AKAP19: variants seen among roughly 807,000 people sequenced by gnomAD.
AKAP19 encodes A-kinase anchoring protein 19, also known as small A-kinase anchoring protein.
the AKAP19 span, among the ~76,000 whole-genome samples, chr2:189,916,329 C>CT: frequency 1.9e-3 from 204 of 106,562 alleles, 2 homozygotes; most frequent in South Asian, 0.016. Context: ...TCTTTTTCTT[C>CT]TTTTTTTTTT....
the AKAP19 span, among the ~76,000 whole-genome samples, chr2:190,163,298 T>C: frequency 3.3e-5 from 5 of 151,802 alleles, no homozygotes; most frequent in Non-Finnish European, 7.4e-5. Context: ...GCCGGGCGTG[T>C]TGGCGGGCGC....
chr2:190,173,885 A>C, the AKAP19 span, among the ~76,000 whole-genome samples: 5 of 152,122 alleles, frequency 3.3e-5, no homozygotes, highest in Non-Finnish European at 7.4e-5. Context: ...TCCATCTTAA[A>C]GTCTGACTTT....
chr2:190,163,067 C>A, the AKAP19 span, among the ~76,000 whole-genome samples: 3 of 152,068 alleles, frequency 2.0e-5, no homozygotes, highest in East Asian at 5.8e-4. Context: ...ATTATGCAAC[C>A]GATGTGTTTC....
At chr2:190,155,963 T>C in the AKAP19 span, among the ~76,000 whole-genome samples, 2,189 of 152,262 alleles carry the variant, frequency 0.014, 55 homozygotes, top group African/African-American at 0.05. Context: ...AATACAATTC[T>C]AATTTAAATT....
chr2:190,073,186 G>A, the AKAP19 span, among the ~76,000 whole-genome samples: 2 of 152,036 alleles, frequency 1.3e-5, no homozygotes, highest in Non-Finnish European at 2.9e-5. Context: ...AAGTATTATG[G>A]AAATAAATTT....
the AKAP19 span, among the ~76,000 whole-genome samples, chr2:190,010,822 T>G: frequency 1.3e-5 from 2 of 152,180 alleles, no homozygotes; most frequent in East Asian, 3.8e-4. Flanking sequence ...TAATGTGGAA[T>G]TATTAAATCA....
the AKAP19 span, among the ~76,000 whole-genome samples, chr2:190,118,479 G>A: frequency 2.0e-5 from 3 of 151,940 alleles, no homozygotes; most frequent in African/African-American, 7.3e-5. Flanking sequence ...TAAAATACTG[G>A]CAAACCAAAT....
the AKAP19 span, among the ~76,000 whole-genome samples, chr2:189,981,273 CTTTTT>C: frequency 5.4e-5 from 7 of 128,978 alleles, 1 homozygote; most frequent in South Asian, 5.0e-4. Flanking sequence ...CCTTCTTTGT[CTTTTT>C]TTTTTTTTTT....
the AKAP19 span, among the ~76,000 whole-genome samples, chr2:190,191,691 G>A: frequency 6.6e-6 from 1 of 152,150 alleles, no homozygotes; most frequent in Non-Finnish European, 1.5e-5. Context: ...TATCATGGCT[G>A]TAATTTGCAT....
At chr2:189,920,001 A>T in the AKAP19 span, among the ~76,000 whole-genome samples, 14 of 152,162 alleles carry the variant, frequency 9.2e-5, no homozygotes, top group African/African-American at 2.4e-4. Context: ...CACCTACAAT[A>T]GTCTATCTTC....
At chr2:189,972,477 T>C in the AKAP19 span, among the ~76,000 whole-genome samples, 2 of 152,202 alleles carry the variant, frequency 1.3e-5, no homozygotes, top group African/African-American at 4.8e-5. Context: ...TCTTTTTTGG[T>C]TCCATATGAA....
chr2:189,884,815 A>C, the AKAP19 span, among the ~76,000 whole-genome samples: 4 of 152,164 alleles, frequency 2.6e-5, no homozygotes, highest in Admixed American at 2.6e-4. Flanking sequence ...GTAGAGTCTG[A>C]TATTCTGCAT....
the AKAP19 span, among the ~76,000 whole-genome samples, chr2:189,932,000 A>C: frequency 6.6e-6 from 1 of 152,182 alleles, no homozygotes; most frequent in South Asian, 2.1e-4. Flanking sequence ...CAAAAGAAAA[A>C]AGTTCTAAAT....
At chr2:189,985,291 T>C in the AKAP19 span, among the ~76,000 whole-genome samples, 2 of 152,214 alleles carry the variant, frequency 1.3e-5, no homozygotes, top group African/African-American at 4.8e-5. Flanking sequence ...AGCTTTTTTT[T>C]CTGAGGAGAA....
chr2:190,129,676 G>C, the AKAP19 span, among the ~76,000 whole-genome samples: 1 of 152,188 alleles, frequency 6.6e-6, no homozygotes, highest in Admixed American at 6.5e-5. Flanking sequence ...AATAATATTA[G>C]CAAGTAACCA....
chr2:189,982,440 G>T, the AKAP19 span, among the ~76,000 whole-genome samples: 1 of 151,778 alleles, frequency 6.6e-6, no homozygotes, highest in African/African-American at 2.4e-5. Flanking sequence ...AAACTCTCTT[G>T]GATCCTGTTG....
the AKAP19 span, among the ~76,000 whole-genome samples, chr2:190,067,855 T>C: frequency 6.6e-6 from 1 of 152,100 alleles, no homozygotes; most frequent in Non-Finnish European, 1.5e-5. Flanking sequence ...AAATTTATCA[T>C]AGAAAATAAA....
the AKAP19 span, among the ~76,000 whole-genome samples, chr2:189,970,726 T>C: frequency 3.3e-5 from 5 of 152,230 alleles, no homozygotes; most frequent in African/African-American, 9.6e-5. Context: ...GGTTAATGAG[T>C]GGAAATACTG....
the AKAP19 span, among the ~76,000 whole-genome samples, chr2:190,009,094 C>G: frequency 1.3e-5 from 2 of 152,088 alleles, no homozygotes; most frequent in African/African-American, 4.8e-5. Flanking sequence ...TGAGGAATAG[C>G]TAGAAGACCA....
Sources: allele counts gnomAD v4.1 joint callset (sites outside exome capture counted in the v4.1 genomes callset), GRCh38; gene constraint gnomAD v4.1.1; transcripts MANE v1.5; gene names NCBI Gene and HGNC (gene_info 2026-07-23, HGNC 2026-07-21).